Variants in NSUN6 observed in about 807,000 individuals in gnomAD.
The protein encoded by NSUN6 is NOP2/Sun RNA methyltransferase 6.
A neutral mutation model predicts 58.0 loss-of-function variants in NSUN6; 64 were observed. The observed-to-expected ratio is 1.10, with a 90% confidence interval of 0.90 to 1.36. The LOEUF is 1.36. NSUN6 is among the 40% of genes most tolerant of loss of function. The probability of loss-of-function intolerance (pLI) is 0.00; values close to 1 mark genes in which losing one functional copy is unlikely to be tolerated. For missense variants in NSUN6, 701 were observed against 550.1 expected (o/e 1.27, Z -2.74); for synonymous variants, 231 against 193.9 (o/e 1.19, Z -1.59).
intron 8 of NSUN6, among the ~76,000 whole-genome samples, chr10:18,577,692 G>A (rs1256015129): frequency 6.6e-6 from 1 of 152,204 alleles, no homozygotes; most frequent in African/African-American, 2.4e-5. Flanking sequence ...GAATCAATAT[G>A]TCAGTATGTT....
Position 18,651,178 on chromosome 10 carries a change from A to G in NSUN6, c.26T>C (p.Leu9Ser), listed in dbSNP as rs2059694238. The G allele has an allele frequency of 6.3e-7, 1 of 1,578,996 alleles. No individual in the cohort carries two copies. The highest frequency in any genetic ancestry group is 1.2e-5 in the South Asian group (1 of 84,836). The part of the protein sequence containing the change: MSIFPKIS[L>S]RPEVENYLKE... ...AAGATAGTTTTCAACCTCAGGTCTC[A>G]AAGATATCTTAGGGAAAATAGACAT... is the stretch of plus-strand genomic sequence containing the variant. The change falls in exon 1 of 11, where the codon TTG (leucine) becomes TCG (serine). Residue 9 changes from leucine (L) to serine (S), a missense_variant. Coordinates refer to ENST00000377304, the MANE Select transcript of NSUN6 (RefSeq NM_182543.5).
chr10:18,563,569 CTCCCT>C (rs2055702039), intron 8 of NSUN6, among the ~76,000 whole-genome samples: 1 of 150,076 alleles, frequency 6.7e-6, no homozygotes, highest in South Asian at 2.1e-4. Context: ...ATGGAATATT[CTCCCT>C]TCCCTTCCAT....
intron 3 of NSUN6, among the ~76,000 whole-genome samples, chr10:18,621,516 G>C (rs2058605362): frequency 6.6e-6 from 1 of 152,168 alleles, no homozygotes; most frequent in African/African-American, 2.4e-5. Context: ...ATTGTTGAAA[G>C]GGAGTTTTTA....
Position 18,558,255 on chromosome 10 carries a change from G to A in NSUN6, c.923-6284C>T, listed in dbSNP as rs117994979. 3.0e-3 allele frequency among the ~76,000 whole-genome samples: 447 copies of A among 150,356 alleles called. 7 individuals are homozygous for A. The East Asian group carries it at 0.04, about 14-fold the overall frequency. On this transcript the variant is annotated intron_variant, in intron 8 of 10. Transcript: ENST00000377304. ...ATGGGGAGTAGTATGGAGTGCAATA[G>A]AGAATGGAAGGGAATGGAATGGAGA...
chr10:18,561,944 G>C (rs1272318855), intron 8 of NSUN6, among the ~76,000 whole-genome samples: 1 of 149,998 alleles, frequency 6.7e-6, no homozygotes, highest in Non-Finnish European at 1.5e-5. Context: ...ATGGAGAATG[G>C]AAAAGAGTGG....
intron 3 of NSUN6, among the ~76,000 whole-genome samples, chr10:18,616,585 G>A (rs899098202): frequency 1.3e-5 from 2 of 152,096 alleles, no homozygotes; most frequent in Non-Finnish European, 2.9e-5. Context: ...ATAGCATTAG[G>A]AGAAAAATAG....
chr10:18,568,384 TTTCTCCATTCCA>T (rs760065589), intron 8 of NSUN6, among the ~76,000 whole-genome samples: 10 of 134,572 alleles, frequency 7.4e-5, no homozygotes, highest in Admixed American at 2.4e-4. Flanking sequence ...CTTCCCTTCC[TTTCTCCATTCCA>T]TTCTCCATTC....
chr10:18,571,281 A>G (rs192037301), intron 8 of NSUN6, among the ~76,000 whole-genome samples: 1 of 139,762 alleles, frequency 7.2e-6, no homozygotes, highest in East Asian at 2.2e-4. Context: ...TCCTTTCTCC[A>G]TTCCATTCCC....
intron 7 of NSUN6, among the ~76,000 whole-genome samples, chr10:18,591,510 A>G (rs1256407298): frequency 2.0e-5 from 3 of 152,200 alleles, no homozygotes; most frequent in Admixed American, 1.3e-4. Context: ...GTACATTAAA[A>G]AGCTTATCCA....
At chr10:18,641,369 CTT>C (rs112028728) in intron 3 of NSUN6, among the ~76,000 whole-genome samples, 35 of 141,596 alleles carry the variant, frequency 2.5e-4, no homozygotes, top group Admixed American at 3.5e-4. Flanking sequence ...CTTATTTTTC[CTT>C]TTTTTTTTTT....
chr10:18,600,959 T>TATATATATACATATATAC, intron 6 of NSUN6, among the ~76,000 whole-genome samples: 1 of 64,960 alleles, frequency 1.5e-5, no homozygotes, highest in South Asian at 5.4e-4. Context: ...TATATATATA[T>TATATATATACATATATAC]ACATATATAT....
At chr10:18,612,430 C>A (rs1355452560) in intron 5 of NSUN6, among the ~76,000 whole-genome samples, 1 of 152,110 alleles carries the variant, frequency 6.6e-6, no homozygotes, top group East Asian at 1.9e-4. Context: ...AAGAAAAAAG[C>A]AAAGTCAGTC....
At chr10:18,562,999 G>GT (rs1239990526) in intron 8 of NSUN6, among the ~76,000 whole-genome samples, 1 of 149,758 alleles carries the variant, frequency 6.7e-6, no homozygotes, top group East Asian at 2.0e-4. Flanking sequence ...AATGGAAAAT[G>GT]TAACAAATGG....
chr10:18,550,819 A>G (rs4328135), intron 9 of NSUN6, among the ~76,000 whole-genome samples: 110,381 of 151,092 alleles, frequency 0.73, 40,529 homozygotes, highest in East Asian at 0.97. Context: ...TCGCCTCCCG[A>G]GTTCAAGCAA....
Position 18,616,283 on chromosome 10 carries a change from T to C in NSUN6, c.322A>G (p.Lys108Glu). The C allele has an allele frequency of 6.3e-7, 1 of 1,599,706 alleles. No individual in the cohort carries two copies. The highest frequency in any genetic ancestry group is 8.6e-7 in the Non-Finnish European group (1 of 1,167,098). ...ACAATGGCTTCACACTGTTGTTTTT[T>C]AATATTCTTTCTAGAAATGTAAGAC... ...IPVIGPRKNI[K>E]KQQCEAIVGA... is the part of the protein sequence containing the mutation. The change falls in exon 4 of 11, where the codon AAA becomes GAA. Residue 108 changes from lysine to glutamate, a missense_variant. Lys to Glu is a moderately conservative substitution (Grantham distance 56). Transcript: ENST00000377304.
At chr10:18,571,090 T>A (rs374940868) in intron 8 of NSUN6, among the ~76,000 whole-genome samples, 1 of 151,628 alleles carries the variant, frequency 6.6e-6, no homozygotes, top group East Asian at 1.9e-4. Context: ...CCATGCTCCA[T>A]TCCATTCCAT....
At chr10:18,610,611 C>T (rs540616175) in intron 5 of NSUN6, among the ~76,000 whole-genome samples, 55 of 152,158 alleles carry the variant, frequency 3.6e-4, no homozygotes, top group Non-Finnish European at 6.9e-4. Flanking sequence ...TAACCTTTTC[C>T]ACCTTTGTCC....
At chr10:18,548,784 T>C (rs771330111) in intron 9 of NSUN6, among the ~76,000 whole-genome samples, 1 of 152,144 alleles carries the variant, frequency 6.6e-6, no homozygotes, top group Non-Finnish European at 1.5e-5. Context: ...TGTCCCAAAA[T>C]GAACTCCTAC....
At chr10:18,602,488 C>T (rs1043811385) in intron 6 of NSUN6, among the ~76,000 whole-genome samples, 1 of 152,232 alleles carries the variant, frequency 6.6e-6, no homozygotes, top group African/African-American at 2.4e-5. Flanking sequence ...CCCACCTTGG[C>T]CTCCCAAAGT....
Sources: allele counts gnomAD v4.1 joint callset (sites outside exome capture counted in the v4.1 genomes callset), GRCh38; gene constraint gnomAD v4.1.1; transcripts MANE v1.5; gene names NCBI Gene and HGNC (gene_info 2026-07-23, HGNC 2026-07-21).